MCTS1: variants seen among roughly 807,000 people sequenced by gnomAD.
MCTS1 encodes the protein malignant T-cell-amplified sequence 1.
For missense variants in MCTS1, 55 were observed against 128.6 expected, an observed-to-expected ratio of 0.43 and a Z score of 2.77; for synonymous variants, 26 against 40.8, an observed-to-expected ratio of 0.64 and a Z score of 1.38.
Position 120,604,219 on chromosome X carries a change from C to T in MCTS1, c.-18C>T. ...CATTCCGGGCCCTTCCCTATCGTCG[C>T]CCCCTTCACCTTGGATCATGTTCAA... On this transcript the variant is annotated 5_prime_UTR_variant, in exon 1 of 6. Transcript: ENST00000371317. The T allele has an allele frequency of 8.3e-7, 1 of 1,208,768 alleles. No individual in the cohort carries two copies. Among genetic ancestry groups the T allele is most frequent in the African/African-American group, 1.7e-5 (1 of 57,465 alleles).
chrX:120,604,393 A>G, intron 1 of MCTS1, 146 bp downstream of exon 1: 1 of 731,554 alleles, frequency 1.4e-6, no homozygotes, highest in Non-Finnish European at 1.9e-6. Context: ...CTATGCTCTC[A>G]CTCCCAACTT....
chrX:120,607,442 A>G (rs1470826326), intron 3 of MCTS1, among the ~76,000 whole-genome samples: 3 of 111,347 alleles, frequency 2.7e-5, no homozygotes, highest in Non-Finnish European at 5.7e-5. Flanking sequence ...TATACCCCTT[A>G]ACCAACTTCT....
chrX:120,606,655 GTGC>G (rs774042258), intron 3 of MCTS1, among the ~76,000 whole-genome samples: 21 of 110,770 alleles, frequency 1.9e-4, no homozygotes, highest in Non-Finnish European at 3.0e-4. Flanking sequence ...GTGGTCACAG[GTGC>G]CTGTAATCCC....
rs1258442549 is a variant in MCTS1, at chrX:120,615,142, CAA to C, written c.*2880_*2881del. ...ATTAGGTCATACATGAAAGGCAATTCAAAGAGATTAAACTAGCAGATGTGTCA... is the reference window on the plus strand; with the variant it reads ...ATTAGGTCATACATGAAAGGCAATTCAGAGATTAAACTAGCAGATGTGTCA... On this transcript the variant is annotated 3_prime_UTR_variant, in exon 6 of 6. Transcript: ENST00000371317. 8.9e-6 allele frequency among the ~76,000 whole-genome samples: 1 copy of C among 112,127 alleles called. No homozygotes were observed. The highest frequency in any genetic ancestry group is 1.9e-5 in the Non-Finnish European group (1 of 53,237).
rs1319263340 is a variant in MCTS1, at chrX:120,612,472, G to T, written c.*208G>T. ...AAACTTGGACATTAAAAGGTATCTG[G>T]TAAGTAAGCAAACTCATACAACTAA... On this transcript the variant is annotated 3_prime_UTR_variant, in exon 6 of 6. Transcript: ENST00000371317. 5.6e-6 allele frequency: 2 copies of T among 358,541 alleles called. No homozygotes were observed. The highest frequency in any genetic ancestry group is 5.3e-5 in the African/African-American group (2 of 37,727). The allele number at this position is 358,541 out of a possible 1,213,427, so 29.5% of individuals were successfully genotyped here. A position where few individuals can be genotyped will look rare whatever the true frequency, so the allele number is the denominator to read the frequency against.
At chrX:120,610,935 T>C (rs1926671118) in intron 4 of MCTS1, 76 bp from the exon 5 acceptor site, 2 of 1,073,554 alleles carry the variant, frequency 1.9e-6, no homozygotes, top group Admixed American at 4.4e-5. Flanking sequence ...AACATGATCA[T>C]TATTTGACAC....
rs1200272528 is a variant in MCTS1, at chrX:120,618,276, T to G, written c.*6012T>G. ...ACTGATGTTTTAACAAATTTTTAGT[T>G]TCTCATGATGTGAAAGATTTTGTAT... On this transcript the variant is annotated 3_prime_UTR_variant, in exon 6 of 6. Coordinates refer to ENST00000371317, the MANE Select transcript of MCTS1 (RefSeq NM_014060.3). Among the ~76,000 whole-genome samples the G allele has an allele frequency of 2.7e-5, 3 of 112,368 alleles. No individual in the cohort carries two copies. The highest frequency in any genetic ancestry group is 5.6e-5 in the Non-Finnish European group (3 of 53,421).
intron 4 of MCTS1, among the ~76,000 whole-genome samples, chrX:120,608,992 G>A (rs1926613733): frequency 8.9e-6 from 1 of 111,889 alleles, no homozygotes; most frequent in Non-Finnish European, 1.9e-5. Flanking sequence ...TCATGACATA[G>A]CTGAATAATT....
chrX:120,612,660 CGTGTGTGTGTGTGTGT>C lies in MCTS1; in HGVS notation c.*407_*422del, dbSNP rs10563395. Among the ~76,000 whole-genome samples the C allele has an allele frequency of 2.1e-5, 2 of 97,412 alleles. No individual in the cohort carries two copies. The highest frequency in any genetic ancestry group is 4.1e-5 in the Non-Finnish European group (2 of 49,025). The allele number at this position is 97,412 out of a possible 115,157, so 84.6% of individuals were successfully genotyped here. The stretch of plus-strand genomic sequence containing the variant: ...CAGGGGACCCAGCAGTGCTCATTCT[CGTGTGTGTGTGTGTGT>C]GTGTGTGTGTATGTGTGTGTGTGTG... On this transcript the variant is annotated 3_prime_UTR_variant, in exon 6 of 6. Transcript: ENST00000371317.
intron 3 of MCTS1, among the ~76,000 whole-genome samples, chrX:120,607,946 A>T (rs1926584839): frequency 9.0e-6 from 1 of 111,466 alleles, no homozygotes; most frequent in African/African-American, 3.3e-5. Flanking sequence ...TTTGGAGAAT[A>T]CTTGGGATGC....
In MCTS1 at chrX:120,619,326, TA is replaced by T. The variant is rs1223129748; in HGVS notation, c.*7065del. ...ATATTTAACTGTTTAGAATTCTAGT[TA>T]AACTTGTCCAGATGAGTAAGAGGGA... is the stretch of plus-strand genomic sequence containing the variant. On this transcript the variant is annotated 3_prime_UTR_variant, in exon 6 of 6. Coordinates refer to ENST00000371317, the MANE Select transcript of MCTS1 (RefSeq NM_014060.3). Among the ~76,000 whole-genome samples the T allele has an allele frequency of 2.7e-5, 3 of 111,222 alleles. No homozygotes were observed. Among genetic ancestry groups the T allele is most frequent in the Non-Finnish European group, 5.7e-5 (3 of 53,053 alleles).
chrX:120,608,469 T>G, intron 4 of MCTS1, 111 bp downstream of exon 4: 2 of 847,966 alleles, frequency 2.4e-6, no homozygotes, highest in Non-Finnish European at 3.2e-6. Context: ...TGAAGGTTAC[T>G]GTTACTCTTA....
chrX:120,610,296 G>A (rs1338693123), intron 4 of MCTS1, among the ~76,000 whole-genome samples: 2 of 106,341 alleles, frequency 1.9e-5, no homozygotes, highest in African/African-American at 6.9e-5. Context: ...CACTCCAGCC[G>A]GGTGACAAAG....
intron 2 of MCTS1, among the ~76,000 whole-genome samples, 190 bp downstream of exon 2, chrX:120,605,749 C>T (rs1349816466): frequency 8.9e-6 from 1 of 111,977 alleles, no homozygotes; most frequent in East Asian, 2.8e-4. Flanking sequence ...AAAAATGTGG[C>T]TTTGTGTATT....
At chrX:120,610,985 T>C in intron 4 of MCTS1, 26 bp from the exon 5 acceptor site, 2 of 1,203,636 alleles carry the variant, frequency 1.7e-6, no homozygotes, top group Non-Finnish European at 2.3e-6. Flanking sequence ...TTTTGATAAA[T>C]AGTTTTCTTA....
chrX:120,610,537 C>T (rs780333521), intron 4 of MCTS1, among the ~76,000 whole-genome samples: 52 of 112,044 alleles, frequency 4.6e-4, no homozygotes, highest in Non-Finnish European at 8.7e-4. Context: ...TGCTTGAACC[C>T]GGGAGGCAGA....
chrX:120,604,841 G>A (rs775501499), intron 1 of MCTS1: 2 of 1,156,995 alleles, frequency 1.7e-6, no homozygotes, highest in South Asian at 3.9e-5. Flanking sequence ...GACGCAAAAA[G>A]CAAAGGGGGA....
In MCTS1 at chrX:120,620,166, G is replaced by C. The variant is rs187224317; in HGVS notation, c.*7902G>C. On this transcript the variant is annotated 3_prime_UTR_variant, in exon 6 of 6. Coordinates refer to ENST00000371317, the MANE Select transcript of MCTS1 (RefSeq NM_014060.3). ...TACTAAAAATACAAAAAATTAACCG[G>C]ACGCAGTGGTGGGCGCCTGTAGTCC... is the stretch of plus-strand genomic sequence containing the variant. 1.8e-5 allele frequency among the ~76,000 whole-genome samples: 2 copies of C among 109,853 alleles called. No individual in the cohort carries two copies. The highest frequency in any genetic ancestry group is 3.8e-5 in the Non-Finnish European group (2 of 52,727).
intron 3 of MCTS1, among the ~76,000 whole-genome samples, chrX:120,607,177 G>A (rs1212972620): frequency 9.0e-6 from 1 of 110,581 alleles, no homozygotes; most frequent in African/African-American, 3.3e-5. Context: ...TGCTGTTGTG[G>A]TGCCTGTATC....
Sources: allele counts gnomAD v4.1 joint callset (sites outside exome capture counted in the v4.1 genomes callset), GRCh38; gene constraint gnomAD v4.1.1; transcripts MANE v1.5; gene names NCBI Gene and HGNC (gene_info 2026-07-23, HGNC 2026-07-21).